INTS11: variants seen among roughly 807,000 people sequenced by gnomAD.
INTS11 encodes integrator complex subunit 11.
In INTS11, 77 loss-of-function variants were observed where a neutral mutation model predicts 78.6. That is an observed-to-expected ratio of 0.98 (90% CI 0.81 to 1.18). INTS11 has a LOEUF of 1.18. Ranked by LOEUF, INTS11 falls within the 50% of genes most tolerant of loss-of-function variation. The pLI is 0.00. For synonymous variants in INTS11, 441 were observed against 326.9 expected, an observed-to-expected ratio of 1.35 and a Z score of -3.77; for missense variants, 875 against 825.9, an observed-to-expected ratio of 1.06 and a Z score of -0.73.
chr1:1,323,834 T>C (rs975120944), intron 1 of INTS11, among the ~76,000 whole-genome samples: 13 of 103,300 alleles, frequency 1.3e-4, no homozygotes, highest in African/African-American at 4.6e-4. Flanking sequence ...CACAGAGTGG[T>C]GGACAGAAAG....
intron 1 of INTS11, 59 bp downstream of exon 1, chr1:1,324,522 G>T: frequency 1.3e-6 from 2 of 1,537,370 alleles, no homozygotes; most frequent in East Asian, 2.5e-5. Context: ...GGGGCGCCCA[G>T]CCCGCCCGGA....
intron 10 of INTS11, 166 bp downstream of exon 10, chr1:1,313,341 CAG>C (rs1642360953): frequency 3.3e-6 from 3 of 902,972 alleles, no homozygotes; most frequent in Non-Finnish European, 5.2e-6. Flanking sequence ...AGCTGTGTCA[CAG>C]AGACTGAGCA....
rs759683268 is a variant in INTS11, at chr1:1,313,903, C to T, written c.786G>A (p.Lys262=). The change falls in exon 9 of 17, where the codon AAG becomes AAA. Residue 262 remains lysine (K), a synonymous_variant. Coordinates refer to ENST00000435064, the MANE Select transcript of INTS11 (RefSeq NM_017871.6). ...LETFWERMNL[K]VPIYFSTGLT... ...GCCCCGTGGAGAAGTAGATGGGCAC[C>T]TTCAGGTTCATGCGCTCCCTGGGGA... 1.9e-6 allele frequency: 3 copies of T among 1,612,582 alleles called. No individual in the cohort carries two copies. The highest frequency in any genetic ancestry group is 1.3e-5 in the African/African-American group (1 of 74,918).
chr1:1,321,848 G>T, intron 1 of INTS11: 1 of 1,218,034 alleles, frequency 8.2e-7, no homozygotes, highest in Non-Finnish European at 1.1e-6. Context: ...CCCCTGCACA[G>T]ACTGTGCCTG....
intron 6 of INTS11, 165 bp from the exon 7 acceptor site, chr1:1,315,127 G>T: frequency 1.1e-6 from 1 of 904,282 alleles, no homozygotes; most frequent in Non-Finnish European, 1.6e-6. Context: ...CTTGGGAAGA[G>T]AGAGGAGAGA....
In INTS11 at chr1:1,324,600, C is replaced by A; in HGVS notation, c.9G>T (p.Glu3Asp). The part of the protein sequence containing the change: MP[E>D]IRVTPLGAGQ... ...ACTCACCCAAGGGCGTGACTCTGAT[C>A]TCAGGCATCGTCTCCGCCGCGCTCC... Residue 3 changes from glutamate to aspartate, a missense_variant, in exon 1 of 17, where the codon GAG becomes GAT. Physicochemically the swap from Glu to Asp is conservative, Grantham distance 45. Coordinates refer to ENST00000435064, the MANE Select transcript of INTS11 (RefSeq NM_017871.6). 1 of 1,598,842 alleles carries A rather than the reference C, an allele frequency of 6.3e-7. No homozygotes were observed. Among genetic ancestry groups the A allele is most frequent in the Middle Eastern group, 1.7e-4 (1 of 6,014 alleles).
At chr1:1,313,152 A>G in intron 10 of INTS11, 28 bp from the exon 11 acceptor site, 2 of 1,591,732 alleles carry the variant, frequency 1.3e-6, no homozygotes, top group Non-Finnish European at 1.7e-6. Context: ...GCTCACAGCC[A>G]GGGAACTCCA....
rs112636962 is a variant in INTS11 at position 1,312,800 on chromosome 1, G to C, written c.1281C>G (p.Ile427Met). 9 of 1,608,732 alleles carry C rather than the reference G, an allele frequency of 5.6e-6. No homozygotes were observed. The highest frequency in any genetic ancestry group is 4.4e-5 in the South Asian group (4 of 91,006). Residue 427 changes from isoleucine to methionine, a missense_variant, in exon 12 of 17, where the codon ATC becomes ATG. Physicochemically the swap from Ile to Met is conservative, Grantham distance 10 (BLOSUM62 1). Coordinates refer to ENST00000435064, the MANE Select transcript of INTS11 (RefSeq NM_017871.6). ...CCGGCTGCCTACGGAGCTCCTGCTCGATCTTCTGCTTCAGGAACTCCATCT... is the reference window on the plus strand; with the variant it reads ...CCGGCTGCCTACGGAGCTCCTGCTCCATCTTCTGCTTCAGGAACTCCATCT... Reference protein sequence around the residue: ...AKKMEFLKQKIEQELRVNCYM... With the variant: ...AKKMEFLKQKMEQELRVNCYM...
intron 1 of INTS11, among the ~76,000 whole-genome samples, chr1:1,323,854 A>G (rs1240921860): frequency 1.4e-5 from 1 of 71,032 alleles, no homozygotes; most frequent in African/African-American, 8.7e-5. Context: ...GCAAGACGTG[A>G]GGAGGCAGAA....
intron 6 of INTS11, 63 bp from the exon 7 acceptor site, chr1:1,315,025 G>A (rs1391950723): frequency 1.3e-6 from 2 of 1,583,200 alleles, no homozygotes; most frequent in Non-Finnish European, 1.7e-6. Flanking sequence ...AGGGCTGGGT[G>A]TGACAAGCTG....
At chr1:1,315,253 T>C (rs958400863) in intron 6 of INTS11, 151 bp downstream of exon 6, 188 of 953,080 alleles carry the variant, frequency 2.0e-4, no homozygotes, top group Non-Finnish European at 2.8e-4. Flanking sequence ...CCTTCGCGCA[T>C]TTGGGCCCAG....
chr1:1,315,942 C>T (rs180739103), intron 4 of INTS11, among the ~76,000 whole-genome samples: 81 of 152,232 alleles, frequency 5.3e-4, no homozygotes, highest in South Asian at 1.5e-3. Context: ...GGACAAAGAA[C>T]GAAAGACAAC....
intron 1 of INTS11, chr1:1,321,965 G>T: frequency 7.2e-7 from 1 of 1,394,094 alleles, no homozygotes; most frequent in South Asian, 1.6e-5. Flanking sequence ...AGGATGACGG[G>T]GCCACAGCCG....
Position 1,321,108 on chromosome 1 carries a change from G to C in INTS11, c.29-15C>G, listed in dbSNP as rs752855945. The C allele has an allele frequency of 6.3e-7, 1 of 1,599,540 alleles. No individual in the cohort carries two copies. The highest frequency in any genetic ancestry group is 1.7e-5 in the Admixed American group (1 of 59,658). ...CTGGCCGGCCCCTACTCGAGGGAGG[G>C]CAGATGAGTCACTGCTGCGCCCCCC... On this transcript the variant is annotated splice_polypyrimidine_tract_variant and intron_variant, in intron 1 of 16. Transcript: ENST00000435064.
intron 3 of INTS11, chr1:1,319,837 A>G: frequency 2.8e-6 from 1 of 357,222 alleles, no homozygotes; most frequent in South Asian, 3.7e-5. Context: ...GGACAGGCTG[A>G]GTGGAGCTGC....
chr1:1,314,586 G>A lies in INTS11; in HGVS notation c.703-221C>T, dbSNP rs78455923. On this transcript the variant is annotated intron_variant, in intron 7 of 16. Coordinates refer to ENST00000435064, the MANE Select transcript of INTS11 (RefSeq NM_017871.6). The surrounding 1 kb of genome is among the most constrained non-coding windows in gnomAD (Gnocchi z 4.2). ...AGAGACAGAAGGGAGCTGCATGAGA[G>A]ACAGAAGGAGCCTGGCCAGGGCTTC... 66 of 635,108 alleles carry A rather than the reference G, an allele frequency of 1.0e-4. 3 individuals carry two copies. In the South Asian group the frequency reaches 1.3e-3, roughly 12 times the overall value. 39.3% of individuals were successfully genotyped at this position (635,108 alleles called of 1,614,324 possible). A position where few individuals can be genotyped will look rare whatever the true frequency, so the allele number is the denominator to read the frequency against.
intron 1 of INTS11, among the ~76,000 whole-genome samples, chr1:1,321,705 C>G (rs1210243946): frequency 6.6e-6 from 1 of 152,230 alleles, no homozygotes; most frequent in Non-Finnish European, 1.5e-5. Flanking sequence ...CAACACAGAC[C>G]CTCATCTGCA....
Position 1,313,882 on chromosome 1 carries a change from C to G in INTS11, c.807G>C (p.Thr269=), listed in dbSNP as rs374585056. The change falls in exon 9 of 17, where the codon ACG becomes ACC. Residue 269 remains threonine, a synonymous_variant. Coordinates refer to ENST00000435064, the MANE Select transcript of INTS11 (RefSeq NM_017871.6). ...AGTGGTTGGCCTTCTCGGTCAGCCC[C>G]GTGGAGAAGTAGATGGGCACCTTCA... ...MNLKVPIYFS[T]GLTEKANHYY... is the part of the protein sequence containing the mutation. 1 of 1,613,078 alleles carries G rather than the reference C, an allele frequency of 6.2e-7. No homozygotes were observed. Among genetic ancestry groups the G allele is most frequent in the Non-Finnish European group, 8.5e-7 (1 of 1,179,938 alleles).
chr1:1,312,594 C>G lies in INTS11; in HGVS notation c.1401G>C (p.Gln467His), dbSNP rs1372449120. The change falls in exon 13 of 17, where the codon CAG becomes CAC. Residue 467 changes from glutamine to histidine, a missense_variant and splice_region_variant. By Grantham distance (24) the Gln-to-His change is conservative. Coordinates refer to ENST00000435064, the MANE Select transcript of INTS11 (RefSeq NM_017871.6). ...CCCTGCCCTGCCCAGCCCGCATACCCTGCGCCATCTCCCGCTTCAGCAGCC... is the reference window on the plus strand; with the variant it reads ...CCCTGCCCTGCCCAGCCCGCATACCGTGCGCCATCTCCCGCTTCAGCAGCC... The part of the protein sequence containing the change: ...SLGLLKREMA[Q>H]GLLPEAKKPR... The G allele has an allele frequency of 1.5e-5, 23 of 1,573,926 alleles. No homozygotes were observed. The highest frequency in any genetic ancestry group is 2.0e-5 in the Non-Finnish European group (23 of 1,155,780).
Sources: allele counts gnomAD v4.1 joint callset (sites outside exome capture counted in the v4.1 genomes callset), GRCh38; gene constraint gnomAD v4.1.1; non-coding constraint Gnocchi (gnomAD v3.1); transcripts MANE v1.5; gene names NCBI Gene and HGNC (gene_info 2026-07-23, HGNC 2026-07-21).